Variants in BLK observed in about 807,000 individuals in gnomAD.
BLK encodes BLK proto-oncogene, Src family tyrosine kinase.
In BLK, 64 loss-of-function variants were observed where a neutral mutation model predicts 61.8. That is an observed-to-expected ratio of 1.03 (90% CI 0.85 to 1.27). The LOEUF is 1.27. Ranked by LOEUF, BLK falls within the 50% of genes most tolerant of loss-of-function variation. The probability of loss-of-function intolerance (pLI) is 0.00; values close to 1 mark genes in which losing one functional copy is unlikely to be tolerated. For missense variants in BLK, 853 were observed against 660.5 expected (o/e 1.29, Z -3.19); for synonymous variants, 351 against 272.0 (o/e 1.29, Z -2.86).
At chr8:11,521,240 A>G (rs965290810) in intron 1 of BLK, among the ~76,000 whole-genome samples, 1 of 152,178 alleles carries the variant, frequency 6.6e-6, no homozygotes, top group Admixed American at 6.5e-5. Flanking sequence ...TATACCCTAA[A>G]GATATCCTGT....
At chr8:11,528,941 G>C (rs1356816435) in intron 1 of BLK, among the ~76,000 whole-genome samples, 1 of 152,022 alleles carries the variant, frequency 6.6e-6, no homozygotes, top group Non-Finnish European at 1.5e-5. Flanking sequence ...CACACACTGG[G>C]GCCTATTGGG....
chr8:11,555,531 C>A, intron 8 of BLK, 47 bp downstream of exon 8: 2 of 1,612,762 alleles, frequency 1.2e-6, no homozygotes, highest in Non-Finnish European at 8.5e-7. Flanking sequence ...ATTCCACCTG[C>A]GCCGCATCCT....
chr8:11,529,678 TG>T (rs1305945079), intron 1 of BLK, among the ~76,000 whole-genome samples: 1 of 152,174 alleles, frequency 6.6e-6, no homozygotes, highest in African/African-American at 2.4e-5. Context: ...TCTTCTGGAA[TG>T]CGCTGTTATT....
intron 1 of BLK, among the ~76,000 whole-genome samples, chr8:11,510,254 T>C (rs1798943847): frequency 6.6e-6 from 1 of 152,214 alleles, no homozygotes; most frequent in South Asian, 2.1e-4. Context: ...TTAAAGTCAG[T>C]GTGATAGTGA....
At chr8:11,549,822 G>T (rs1800819034) in intron 5 of BLK, among the ~76,000 whole-genome samples, 1 of 152,258 alleles carries the variant, frequency 6.6e-6, no homozygotes, top group African/African-American at 2.4e-5. Context: ...CAGACTGCAA[G>T]GAGGAGGCAC....
rs1183169437 is a variant in BLK at position 11,561,716 on chromosome 8, A to C, written c.1180+264A>C. Among the ~76,000 whole-genome samples the C allele has an allele frequency of 7.2e-5, 11 of 152,282 alleles. No homozygotes were observed. In the East Asian group the frequency reaches 2.1e-3, roughly 29 times the overall value. ...GTCCACCCTACTCCCTGTCTTGGAG[A>C]TTCCCAGTGCACATCAACATATTAA... On this transcript the variant is annotated intron_variant, in intron 11 of 12. Transcript: ENST00000259089.
chr8:11,507,087 T>C (rs1290867580), intron 1 of BLK, among the ~76,000 whole-genome samples: 1 of 152,212 alleles, frequency 6.6e-6, no homozygotes, highest in East Asian at 1.9e-4. Flanking sequence ...CAGAGCAGTG[T>C]GTAAGCATCA....
At chr8:11,548,287 C>A (rs913064858) in intron 4 of BLK, among the ~76,000 whole-genome samples, 162 bp downstream of exon 4, 1 of 152,132 alleles carries the variant, frequency 6.6e-6, no homozygotes, top group African/African-American at 2.4e-5. Context: ...GCCCTTTTGT[C>A]TTCCTCTCCA....
chr8:11,538,091 T>C lies in BLK; in HGVS notation c.-1-5133T>C, dbSNP rs538345519. ...ACACATAGACACACACACACATATA[T>C]ACACACACATATTCAAGCACATACA... On this transcript the variant is annotated intron_variant, in intron 1 of 12. Coordinates refer to ENST00000259089, the MANE Select transcript of BLK (RefSeq NM_001715.3). Among the ~76,000 whole-genome samples, 9 of 152,032 alleles carry C rather than the reference T, an allele frequency of 5.9e-5. 1 individual carries two copies. The South Asian group carries it at 1.0e-3, about 18-fold the overall frequency.
chr8:11,506,568 C>G (rs931908822), intron 1 of BLK, among the ~76,000 whole-genome samples: 12 of 152,136 alleles, frequency 7.9e-5, no homozygotes, highest in African/African-American at 2.9e-4. Context: ...GAAAAGCTAT[C>G]TGGTAATAGC....
At chr8:11,558,836 C>A (rs192401931) in intron 10 of BLK, 91 of 455,396 alleles carry the variant, frequency 2.0e-4, no homozygotes, top group African/African-American at 1.4e-3. Context: ...CACACACATA[C>A]AGCTGCCACC....
chr8:11,556,910 G>A (rs1352380947), intron 9 of BLK, 73 bp downstream of exon 9: 18 of 1,543,826 alleles, frequency 1.2e-5, no homozygotes, highest in African/African-American at 7.0e-5. Context: ...AGGAGGGTCC[G>A]CTGCGGTGGG....
rs553660079 is a variant in BLK at position 11,553,667 on chromosome 8, C to T, written c.473-1076C>T. On this transcript the variant is annotated intron_variant, in intron 6 of 12. Transcript: ENST00000259089. ...TAGAGACTGGGGGCACAGCTGCACC[C>T]GGGCAGGGTCGGGGAGACAGTTTGC... 324 of 169,486 alleles carry T rather than the reference C, an allele frequency of 1.9e-3. 2 individuals are homozygous for T. The highest frequency in any genetic ancestry group is 7.4e-3 in the African/African-American group (309 of 41,984). 10.5% of individuals were successfully genotyped at this position (169,486 alleles called of 1,614,324 possible). A position where few individuals can be genotyped will look rare whatever the true frequency, so the allele number is the denominator to read the frequency against.
intron 1 of BLK, among the ~76,000 whole-genome samples, chr8:11,535,345 G>A (rs1039406256): frequency 1.3e-5 from 2 of 150,176 alleles, no homozygotes; most frequent in Non-Finnish European, 3.0e-5. Context: ...GGGAAGGGAA[G>A]GAAGGAAAGG....
chr8:11,519,382 T>A (rs910430148), intron 1 of BLK, among the ~76,000 whole-genome samples: 2 of 152,186 alleles, frequency 1.3e-5, no homozygotes, highest in Non-Finnish European at 2.9e-5. Flanking sequence ...ATTTTTCTTC[T>A]GAGAGCCTAA....
At chr8:11,549,719 G>A (rs563996819) in intron 5 of BLK, among the ~76,000 whole-genome samples, 10 of 152,298 alleles carry the variant, frequency 6.6e-5, no homozygotes, top group Non-Finnish European at 1.0e-4. Flanking sequence ...GTGGGGAACC[G>A]TGGGGCTGTC....
At chr8:11,545,204 C>T (rs1410320080) in intron 2 of BLK, among the ~76,000 whole-genome samples, 1 of 152,126 alleles carries the variant, frequency 6.6e-6, no homozygotes, top group Non-Finnish European at 1.5e-5. Flanking sequence ...CCTGAGTATA[C>T]TGTAATTTGT....
intron 10 of BLK, chr8:11,560,705 T>A: frequency 2.7e-6 from 1 of 377,094 alleles, no homozygotes. Flanking sequence ...CAGTGCTCCC[T>A]GGGTGCCCCC....
chr8:11,521,854 A>G (rs1472412847), intron 1 of BLK, among the ~76,000 whole-genome samples: 1 of 149,220 alleles, frequency 6.7e-6, no homozygotes, highest in Admixed American at 6.6e-5. Context: ...CTAGGAGGGG[A>G]CTCCTCTCTA....
Sources: gnomAD v4.1 joint callset for allele counts (sites outside exome capture counted in the v4.1 genomes callset) on GRCh38, gnomAD v4.1.1 for gene constraint, MANE v1.5 for transcripts, NCBI Gene and HGNC (gene_info 2026-07-23, HGNC 2026-07-21) for gene names.